Variants in DNAJB1 observed in about 807,000 individuals in gnomAD.
DNAJB1 encodes the protein dnaJ homolog subfamily B member 1.
DNAJB1 carries 14 observed loss-of-function variants against 24.0 expected under a neutral mutation model. The ratio of observed to expected loss-of-function variants is 0.58; its 90% CI spans 0.39 to 0.91. The LOEUF (loss-of-function observed/expected upper bound fraction) is 0.91, where lower values mean the gene tolerates loss of function less well. Among genes scored for constraint, DNAJB1 ranks in the 40% least tolerant of loss-of-function variants. The pLI is 0.00. For missense variants in DNAJB1, 517 were observed against 458.1 expected (o/e 1.13, Z -1.17); for synonymous variants, 262 against 174.4 (o/e 1.50, Z -3.96).
At chr19:14,550,831 C>T (rs540758065), upstream of DNAJB1, among the ~76,000 whole-genome samples, 1 of 152,038 alleles carries the variant, frequency 6.6e-6, no homozygotes, top group Non-Finnish European at 1.5e-5. Context: ...CAGGCCCGTA[C>T]CACTATGCCC....
At position 14,538,899 on chromosome 19, in the gene DNAJB1, A is replaced by ATG. The variant is rs375814066; in HGVS notation, c.-213-11091_-213-11090dup. Among the ~76,000 whole-genome samples, 99 of 152,018 alleles carry ATG rather than the reference A, an allele frequency of 6.5e-4. No individual in the cohort carries two copies. In the East Asian group the frequency reaches 0.019, roughly 29 times the overall value. On this transcript the variant is annotated intron_variant, in intron 1 of 3. Coordinates refer to the DNAJB1 transcript ENST00000676982. ...AGGAGACAGACTGATGTCAAATCAT[A>ATG]TGCCCAGAAGGTGGAGGAAGAAGCC...
chr19:14,557,734 G>A (rs944134919), intron 1 of DNAJB1, among the ~76,000 whole-genome samples: 3 of 150,352 alleles, frequency 2.0e-5, no homozygotes, highest in African/African-American at 7.4e-5. Flanking sequence ...TTACAGGCAT[G>A]AGCCACCGTG....
upstream of DNAJB1, among the ~76,000 whole-genome samples, chr19:14,520,200 T>C (rs2072344782): frequency 6.6e-6 from 1 of 152,158 alleles, no homozygotes; most frequent in African/African-American, 2.4e-5. Flanking sequence ...AAAGGAAGCA[T>C]TGTCAAAGGG....
chr19:14,516,156 G>A lies in DNAJB1; in HGVS notation c.807C>T (p.Cys269=). 1 of 1,613,588 alleles carries A rather than the reference G, an allele frequency of 6.2e-7. No homozygotes were observed. The highest frequency in any genetic ancestry group is 8.5e-7 in the Non-Finnish European group (1 of 1,179,914). The change falls in exon 3 of 3, where the codon TGC becomes TGT. Residue 269 remains cysteine (C), a synonymous_variant. Transcript: ENST00000254322. The part of the protein sequence containing the change: ...RISLREALCG[C]TVNVPTLDGR... ...CGTCCAGAGTGGGGACGTTCACTGT[G>A]CAGCCACACAGAGCCTTGAAAAGCA...
chr19:14,515,935 G>A lies in DNAJB1; in HGVS notation c.*5C>T. On this transcript the variant is annotated 3_prime_UTR_variant, in exon 3 of 3. Transcript: ENST00000254322. ...CCCTGGTCAGTCCTTGGGGAGCTCA[G>A]ATAGCTATATTGGAAGAACCTGCTC... is the stretch of plus-strand genomic sequence containing the variant. 4 of 1,606,006 alleles carry A rather than the reference G, an allele frequency of 2.5e-6. No individual in the cohort carries two copies. Among genetic ancestry groups the A allele is most frequent in the Non-Finnish European group, 3.4e-6 (4 of 1,178,076 alleles).
At chr19:14,559,786 CAA>C (rs5827240) in intron 1 of DNAJB1, among the ~76,000 whole-genome samples, 317 of 139,002 alleles carry the variant, frequency 2.3e-3, no homozygotes, top group Middle Eastern at 3.8e-3. Flanking sequence ...GACTCTGTCT[CAA>C]AAAAAAAAAA....
At position 14,517,968 on chromosome 19, in the gene DNAJB1, C is replaced by T. The variant is rs948830264; in HGVS notation, c.211+171G>A. ...AGCGGCTGGGCCAAGGCTCCTCCTC[C>T]CACCGCGCGGCCGCCAATCCGAGGG... On this transcript the variant is annotated intron_variant, in intron 1 of 2. Transcript: ENST00000254322. 1.8e-5 allele frequency: 11 copies of T among 627,846 alleles called. No individual in the cohort carries two copies. In the African/African-American group the frequency reaches 2.1e-4, roughly 12 times the overall value. The allele number at this position is 627,846 out of a possible 1,614,324, so 38.9% of individuals were successfully genotyped here.
chr19:14,555,802 T>C (rs941901996), intron 1 of DNAJB1, among the ~76,000 whole-genome samples: 2 of 152,078 alleles, frequency 1.3e-5, no homozygotes, highest in African/African-American at 4.8e-5. Context: ...CCCAAGCTGG[T>C]CTTGAACTCC....
At chr19:14,537,632 A>C (rs1268614845) in intron 1 of DNAJB1, among the ~76,000 whole-genome samples, 2 of 152,190 alleles carry the variant, frequency 1.3e-5, no homozygotes, top group East Asian at 3.9e-4. Flanking sequence ...CTTCTTGCTG[A>C]TACTGATAGT....
At chr19:14,546,266 T>G (rs1343989034) in intron 1 of DNAJB1, among the ~76,000 whole-genome samples, 2 of 137,820 alleles carry the variant, frequency 1.5e-5, no homozygotes, top group African/African-American at 2.5e-5. Flanking sequence ...AATTCTAGAT[T>G]TGGGATTTTT....
chr19:14,560,230 G>A (rs894223174), exon 1 of DNAJB1, among the ~76,000 whole-genome samples: 10 of 152,318 alleles, frequency 6.6e-5, no homozygotes, highest in African/African-American at 1.9e-4. Context: ...GGGGAGCAGG[G>A]TACGATTTCA....
At chr19:14,524,044 G>T (rs572376083) in intron 2 of DNAJB1, among the ~76,000 whole-genome samples, 25 of 152,272 alleles carry the variant, frequency 1.6e-4, no homozygotes, top group Non-Finnish European at 3.1e-4. Context: ...TTTTACAGGT[G>T]GGGAGATGGA....
upstream of DNAJB1, among the ~76,000 whole-genome samples, chr19:14,553,710 G>A (rs1164428542): frequency 1.3e-5 from 2 of 152,044 alleles, no homozygotes; most frequent in Non-Finnish European, 2.9e-5. Context: ...TGATGGGGGC[G>A]AGGTGATGGG....
intron 1 of DNAJB1, among the ~76,000 whole-genome samples, chr19:14,557,130 T>TG (rs199805570): frequency 0.11 from 16,332 of 150,106 alleles, 1,133 homozygotes; most frequent in African/African-American, 0.19. Flanking sequence ...TATTTATTTA[T>TG]TTATTTATTT....
chr19:14,540,431 C>A (rs2073058033), intron 1 of DNAJB1, among the ~76,000 whole-genome samples: 1 of 150,428 alleles, frequency 6.6e-6, no homozygotes, highest in Non-Finnish European at 1.5e-5. Context: ...CGTGCTCTGT[C>A]ACCTAGACTG....
At chr19:14,556,950 C>T (rs1273435583) in intron 1 of DNAJB1, among the ~76,000 whole-genome samples, 1 of 152,034 alleles carries the variant, frequency 6.6e-6, no homozygotes, top group Non-Finnish European at 1.5e-5. Flanking sequence ...TCACTGTGAC[C>T]AGCTGGGCGA....
chr19:14,555,609 C>T (rs1163020604), intron 1 of DNAJB1, among the ~76,000 whole-genome samples: 1 of 151,876 alleles, frequency 6.6e-6, no homozygotes, highest in Non-Finnish European at 1.5e-5. Context: ...CCACACTTGG[C>T]TAATTTTTGT....
intron 1 of DNAJB1, among the ~76,000 whole-genome samples, chr19:14,549,210 A>ATTT (rs2073405465): frequency 1.9e-5 from 2 of 106,664 alleles, no homozygotes; most frequent in African/African-American, 3.8e-5. Context: ...CTTTAATTGG[A>ATTT]CTTTTTTTTT....
At chr19:14,530,036 G>C (rs1430265505), upstream of DNAJB1, 7 of 478,242 alleles carry the variant, frequency 1.5e-5, no homozygotes, top group South Asian at 1.5e-4. Context: ...ACGAAGGTGC[G>C]GGACCCTTGC....
Sources: gnomAD v4.1 joint callset for allele counts (sites outside exome capture counted in the v4.1 genomes callset) on GRCh38, gnomAD v4.1.1 for gene constraint, MANE v1.5 for transcripts, NCBI Gene and HGNC (gene_info 2026-07-23, HGNC 2026-07-21) for gene names.